The following PRDM16 variants were observed in gnomAD, a reference collection of about 807,000 sequenced individuals.
PRDM16 encodes histone-lysine N-methyltransferase PRDM16.
In PRDM16, 23 loss-of-function variants were observed where a neutral mutation model predicts 110.6. The observed-to-expected ratio is 0.21, with a 90% CI of 0.15 to 0.29. PRDM16 has a LOEUF of 0.29. Among genes scored for constraint, PRDM16 ranks in the 10% least tolerant of loss-of-function variants. The pLI is 1.00. For synonymous variants in PRDM16, 799 were observed against 781.8 expected, an observed-to-expected ratio of 1.02 and a Z score of -0.37; for missense variants, 1,615 against 1,794.3, an observed-to-expected ratio of 0.90 and a Z score of 1.81.
intron 2 of PRDM16, among the ~76,000 whole-genome samples, chr1:3,199,358 G>A (rs1317664639): frequency 5.9e-5 from 9 of 152,206 alleles, no homozygotes; most frequent in South Asian, 2.1e-4. Flanking sequence ...CTGGAAATAC[G>A]TGAACATAAG....
intron 3 of PRDM16, among the ~76,000 whole-genome samples, chr1:3,302,230 A>T (rs940168840): frequency 1.3e-5 from 2 of 152,216 alleles, no homozygotes; most frequent in African/African-American, 4.8e-5. Flanking sequence ...CGTCTCCGAG[A>T]TTTCCCGGGG....
chr1:3,367,386 G>A (rs552187566), intron 3 of PRDM16, among the ~76,000 whole-genome samples: 2 of 152,334 alleles, frequency 1.3e-5, no homozygotes, highest in South Asian at 4.1e-4. Context: ...CGGGTTTCAT[G>A]GCAGACGTGA....
Position 3,430,768 on chromosome 1 carries a change from G to T in PRDM16, c.3285-104G>T, listed in dbSNP as rs1472274135. ...TCCCTCAGGAAGGGGGCTGAGTGTTGTCGGGGGAGGCAGTGGGGGCAGAGC... is the reference window on the plus strand; with the variant it reads ...TCCCTCAGGAAGGGGGCTGAGTGTTTTCGGGGGAGGCAGTGGGGGCAGAGC... On this transcript the variant is annotated intron_variant, in intron 14 of 16. Coordinates refer to ENST00000270722, the MANE Select transcript of PRDM16 (RefSeq NM_022114.4). 8 of 1,363,228 alleles carry T rather than the reference G, an allele frequency of 5.9e-6. No homozygotes were observed. The East Asian group carries it at 1.8e-4, about 31-fold the overall frequency. The allele number at this position is 1,363,228 out of a possible 1,614,324, so 84.4% of individuals were successfully genotyped here.
chr1:3,136,141 C>T (rs940116745), intron 1 of PRDM16, among the ~76,000 whole-genome samples: 2 of 152,114 alleles, frequency 1.3e-5, no homozygotes, highest in African/African-American at 2.4e-5. Flanking sequence ...CGGGCAGCCT[C>T]GCCATGGGAC....
rs530876111 is a variant in PRDM16 at position 3,214,188 on chromosome 1, C to T, written c.387+27714C>T. On this transcript the variant is annotated intron_variant, in intron 2 of 16. Transcript: ENST00000270722. ...AAAATGGTTTTCCTTTTCAGACAGG[C>T]GTCTTTTCCTTCCATTCTCCTATTG... Among the ~76,000 whole-genome samples the T allele has an allele frequency of 4.6e-5, 7 of 152,268 alleles. No homozygotes were observed. The East Asian group carries it at 1.3e-3, about 29-fold the overall frequency.
chr1:3,362,738 G>A (rs974527743), intron 3 of PRDM16, among the ~76,000 whole-genome samples: 2 of 152,142 alleles, frequency 1.3e-5, no homozygotes, highest in Non-Finnish European at 2.9e-5. Context: ...AAAGCCGGCC[G>A]GGTCTCCTCA....
intron 2 of PRDM16, among the ~76,000 whole-genome samples, chr1:3,225,284 A>C (rs1368308542): frequency 2.0e-5 from 3 of 152,208 alleles, no homozygotes; most frequent in South Asian, 4.1e-4. Flanking sequence ...CCGCGGGCTC[A>C]AACACTAGCG....
chr1:3,392,251 C>G (rs1643311685), intron 4 of PRDM16, among the ~76,000 whole-genome samples: 1 of 152,234 alleles, frequency 6.6e-6, no homozygotes. Context: ...AACTCAGGCA[C>G]AGTTGAATTC....
intron 1 of PRDM16, among the ~76,000 whole-genome samples, chr1:3,170,540 G>A (rs1644014104): frequency 6.6e-6 from 1 of 152,184 alleles, no homozygotes; most frequent in South Asian, 2.1e-4. Flanking sequence ...TTCCCTAGGA[G>A]CATCTGGGTG....
intron 1 of PRDM16, among the ~76,000 whole-genome samples, chr1:3,114,206 C>CACGCACGCAG (rs1311534577): frequency 7.7e-6 from 1 of 130,654 alleles, no homozygotes; most frequent in East Asian, 2.4e-4. Flanking sequence ...CACGCACGCA[C>CACGCACGCAG]ACACGCACAC....
At chr1:3,287,269 GCCC>G (rs1456675035) in intron 3 of PRDM16, among the ~76,000 whole-genome samples, 1 of 150,058 alleles carries the variant, frequency 6.7e-6, no homozygotes, top group Admixed American at 6.6e-5. Context: ...GGCTGGAGGC[GCCC>G]CGCCACGCGG....
At chr1:3,238,605 A>T (rs1459744553) in intron 2 of PRDM16, among the ~76,000 whole-genome samples, 1 of 152,224 alleles carries the variant, frequency 6.6e-6, no homozygotes, top group East Asian at 1.9e-4. Flanking sequence ...TGCGAGCCAG[A>T]GGCGGGGCGG....
At chr1:3,268,414 C>T (rs544027856) in intron 3 of PRDM16, among the ~76,000 whole-genome samples, 1 of 152,352 alleles carries the variant, frequency 6.6e-6, no homozygotes, top group Admixed American at 6.5e-5. Flanking sequence ...TTAACGTGTG[C>T]ACTTCGCAAA....
At chr1:3,295,739 C>CT (rs1641075404) in intron 3 of PRDM16, among the ~76,000 whole-genome samples, 1 of 152,128 alleles carries the variant, frequency 6.6e-6, no homozygotes, top group Non-Finnish European at 1.5e-5. Flanking sequence ...GCGATGGGCT[C>CT]TTTTTTCTTC....
intron 2 of PRDM16, 83 bp downstream of exon 2, chr1:3,186,557 C>A: frequency 1.1e-6 from 1 of 946,988 alleles, no homozygotes; most frequent in Non-Finnish European, 1.5e-6. Flanking sequence ...TGAGCAGCCA[C>A]TGCCCGAGGC....
rs571029137 is a variant in PRDM16 at position 3,180,092 on chromosome 1, G to A, written c.38-6033G>A. 2.2e-3 allele frequency among the ~76,000 whole-genome samples: 341 copies of A among 152,168 alleles called. 2 individuals are homozygous for A. Among genetic ancestry groups the A allele is most frequent in the Non-Finnish European group, 3.4e-3 (234 of 67,996 alleles). ...ACATTTCAGGGAACTGCACAGCAAA[G>A]GATTCCCTCGTGTTTCTCAGGTTGA... On this transcript the variant is annotated intron_variant, in intron 1 of 16. Transcript: ENST00000270722.
At chr1:3,116,404 G>A (rs993356834) in intron 1 of PRDM16, among the ~76,000 whole-genome samples, 2 of 152,132 alleles carry the variant, frequency 1.3e-5, no homozygotes, top group African/African-American at 4.8e-5. Context: ...CTGGAGACGT[G>A]GCACCGTACC....
chr1:3,312,868 G>C (rs10909928), intron 3 of PRDM16, among the ~76,000 whole-genome samples: 3 of 152,178 alleles, frequency 2.0e-5, no homozygotes, highest in Non-Finnish European at 4.4e-5. Context: ...GGTGAGAAAG[G>C]CTTTTCAAAA....
At chr1:3,168,898 G>A (rs1225160405) in intron 1 of PRDM16, among the ~76,000 whole-genome samples, 1 of 152,192 alleles carries the variant, frequency 6.6e-6, no homozygotes, top group Non-Finnish European at 1.5e-5. Flanking sequence ...TACTCCTGGA[G>A]CCAGGTGGTT....
Sources: allele counts gnomAD v4.1 joint callset (sites outside exome capture counted in the v4.1 genomes callset), GRCh38; gene constraint gnomAD v4.1.1; transcripts MANE v1.5; gene names NCBI Gene and HGNC (gene_info 2026-07-23, HGNC 2026-07-21).